Variants in MINDY4 observed in about 807,000 individuals in gnomAD.
MINDY4 encodes probable ubiquitin carboxyl-terminal hydrolase MINDY-4.
A neutral mutation model predicts 87.0 loss-of-function variants in MINDY4; 68 were observed. The ratio of observed to expected loss-of-function variants is 0.78; its 90% CI spans 0.64 to 0.96. MINDY4 has a LOEUF of 0.96. Ranked by LOEUF, MINDY4 falls within the 40% of genes least tolerant of loss-of-function variation. The pLI is 0.00. For synonymous variants in MINDY4, 379 were observed against 363.2 expected, an observed-to-expected ratio of 1.04 and a Z score of -0.50; for missense variants, 919 against 928.2, an observed-to-expected ratio of 0.99 and a Z score of 0.13.
In MINDY4 at chr7:30,892,322, A is replaced by C; in HGVS notation, c.*317A>C. ...GGGTGGTCCCTCACCCAGGCCTCCAATGTGGTTGGCCCTGGGGACTCATTA... is the reference window on the plus strand; with the variant it reads ...GGGTGGTCCCTCACCCAGGCCTCCACTGTGGTTGGCCCTGGGGACTCATTA... On this transcript the variant is annotated 3_prime_UTR_variant, in exon 18 of 18. Coordinates refer to ENST00000265299, the MANE Select transcript of MINDY4 (RefSeq NM_032222.3). The C allele has an allele frequency of 5.4e-6, 2 of 369,814 alleles. No homozygotes were observed. The highest frequency in any genetic ancestry group is 9.9e-6 in the Non-Finnish European group (2 of 202,300). The allele number at this position is 369,814 out of a possible 1,614,324, so 22.9% of individuals were successfully genotyped here.
intron 8 of MINDY4, among the ~76,000 whole-genome samples, chr7:30,840,422 C>A (rs149172586): frequency 2.6e-4 from 39 of 152,314 alleles, no homozygotes; most frequent in African/African-American, 8.9e-4. Flanking sequence ...ACAATTAACA[C>A]CCTCAACCTG....
At chr7:30,851,605 T>A (rs192344083) in intron 10 of MINDY4, among the ~76,000 whole-genome samples, 1 of 152,360 alleles carries the variant, frequency 6.6e-6, no homozygotes, top group East Asian at 1.9e-4. Context: ...AGTTAACTTA[T>A]TAACCCCGGC....
chr7:30,810,596 C>A (rs10242462), intron 5 of MINDY4, among the ~76,000 whole-genome samples: 4 of 151,802 alleles, frequency 2.6e-5, no homozygotes, highest in Non-Finnish European at 5.9e-5. Context: ...AAAACACGAC[C>A]GGTTTTTCTT....
chr7:30,883,070 T>A (rs1054157330), intron 17 of MINDY4, 77 bp downstream of exon 17: 9 of 1,411,498 alleles, frequency 6.4e-6, no homozygotes, highest in Non-Finnish European at 8.9e-6. Flanking sequence ...TGGTCAGGCC[T>A]GCAGGAAGGC....
rs147828767 is a variant in MINDY4 at position 30,805,030 on chromosome 7, A to T, written c.1073+13456A>T. Among the ~76,000 whole-genome samples, 72 of 152,312 alleles carry T rather than the reference A, an allele frequency of 4.7e-4. 1 individual carries two copies. The highest frequency in any genetic ancestry group is 1.7e-3 in the African/African-American group (69 of 41,564). On this transcript the variant is annotated intron_variant, in intron 5 of 17. Transcript: ENST00000265299. Reference sequence around the variant, plus strand: ...CCCCAAGAGCCAGACCTTCTTCTCTAGGCAATAGAGAGGGATAGAAAGTTC... The same window carrying T: ...CCCCAAGAGCCAGACCTTCTTCTCTTGGCAATAGAGAGGGATAGAAAGTTC...
intron 5 of MINDY4, among the ~76,000 whole-genome samples, chr7:30,819,221 G>A (rs1313638048): frequency 2.6e-5 from 4 of 152,034 alleles, no homozygotes; most frequent in Non-Finnish European, 5.9e-5. Flanking sequence ...ACTGCTTCCC[G>A]TAAGACTTTA....
chr7:30,891,966 G>A lies in MINDY4; in HGVS notation c.2235G>A (p.Gly745=), dbSNP rs1417197861. The stretch of plus-strand genomic sequence containing the variant: ...CTCACTCTACGCTTAGGTGGAAGGG[G>A]GCATCAGTGAACTGGAACGGCTCAG... ...LELCIRTKWK[G]ASVNWNGSDP... Residue 745 remains glycine (G), a synonymous_variant, in exon 18 of 18, where the codon GGG becomes GGA. Transcript: ENST00000265299. 1.2e-6 allele frequency: 2 copies of A among 1,614,150 alleles called. No homozygotes were observed. The highest frequency in any genetic ancestry group is 1.3e-5 in the African/African-American group (1 of 75,044).
chr7:30,798,031 G>A (rs917340884), intron 5 of MINDY4, among the ~76,000 whole-genome samples: 3 of 152,170 alleles, frequency 2.0e-5, no homozygotes, highest in African/African-American at 7.2e-5. Flanking sequence ...CTCTCTCCTC[G>A]AGACTGCTGA....
chr7:30,860,333 C>T (rs892422757), intron 13 of MINDY4, among the ~76,000 whole-genome samples: 1 of 152,128 alleles, frequency 6.6e-6, no homozygotes, highest in Non-Finnish European at 1.5e-5. Flanking sequence ...GCTCTGTGGC[C>T]TCGTGCGCCA....
intron 7 of MINDY4, among the ~76,000 whole-genome samples, chr7:30,838,223 G>A (rs1300410421): frequency 6.6e-6 from 1 of 152,180 alleles, no homozygotes; most frequent in African/African-American, 2.4e-5. Context: ...CATTCTGGGG[G>A]CTCTGGAGGG....
chr7:30,820,167 C>A (rs971727055), intron 5 of MINDY4, among the ~76,000 whole-genome samples: 4 of 151,952 alleles, frequency 2.6e-5, no homozygotes, highest in African/African-American at 9.7e-5. Context: ...TCCCAAAGTG[C>A]TGGGATTACA....
intron 5 of MINDY4, 64 bp downstream of exon 5, chr7:30,791,638 A>T: frequency 6.7e-7 from 1 of 1,503,290 alleles, no homozygotes; most frequent in Non-Finnish European, 9.0e-7. Flanking sequence ...CATGTTGTCT[A>T]GTCCCTAATG....
chr7:30,871,826 A>G (rs1318930771), intron 13 of MINDY4, among the ~76,000 whole-genome samples: 1 of 152,122 alleles, frequency 6.6e-6, no homozygotes. Context: ...CATTCCTCCC[A>G]TTTTACAGGC....
At chr7:30,849,448 A>T (rs1168956895) in intron 9 of MINDY4, among the ~76,000 whole-genome samples, 1 of 152,192 alleles carries the variant, frequency 6.6e-6, no homozygotes, top group Non-Finnish European at 1.5e-5. Flanking sequence ...AAATGGAAAG[A>T]AATACGTATA....
intron 5 of MINDY4, among the ~76,000 whole-genome samples, chr7:30,813,085 T>A (rs956681869): frequency 6.6e-6 from 1 of 151,872 alleles, no homozygotes; most frequent in Admixed American, 6.6e-5. Flanking sequence ...GGTGGGAGAG[T>A]GCAGCTTGGA....
chr7:30,810,525 A>G (rs1488595416), intron 5 of MINDY4, among the ~76,000 whole-genome samples: 7 of 152,168 alleles, frequency 4.6e-5, no homozygotes, highest in Non-Finnish European at 7.3e-5. Flanking sequence ...CTGTGTGTAA[A>G]CATATTAGCT....
At chr7:30,848,672 C>G (rs1227887199) in intron 9 of MINDY4, among the ~76,000 whole-genome samples, 1 of 152,150 alleles carries the variant, frequency 6.6e-6, no homozygotes, top group East Asian at 1.9e-4. Flanking sequence ...GCTGGGGCAT[C>G]CGGTTCGGTG....
intron 5 of MINDY4, among the ~76,000 whole-genome samples, chr7:30,801,121 G>A (rs181132237): frequency 1.2e-3 from 187 of 152,274 alleles, no homozygotes; most frequent in African/African-American, 3.5e-3. Flanking sequence ...TGTGTCCTGA[G>A]GGGGAATGAA....
intron 14 of MINDY4, among the ~76,000 whole-genome samples, chr7:30,873,447 C>T (rs564439820): frequency 6.6e-6 from 1 of 152,334 alleles, no homozygotes; most frequent in South Asian, 2.1e-4. Context: ...TCAGTTTCCT[C>T]ATTTGTACAA....
Sources: gnomAD v4.1 joint callset for allele counts (sites outside exome capture counted in the v4.1 genomes callset) on GRCh38, gnomAD v4.1.1 for gene constraint, MANE v1.5 for transcripts, NCBI Gene and HGNC (gene_info 2026-07-23, HGNC 2026-07-21) for gene names.